PCDH15: variants seen among roughly 807,000 people sequenced by gnomAD.
The protein encoded by PCDH15 is protocadherin-15.
A neutral mutation model predicts 178.5 loss-of-function variants in PCDH15; 129 were observed. The ratio of observed to expected loss-of-function variants is 0.72; its 90% CI spans 0.63 to 0.84. PCDH15 has a LOEUF of 0.84. Ranked by LOEUF, PCDH15 falls within the 40% of genes least tolerant of loss-of-function variation. The pLI, the probability that PCDH15 is intolerant of heterozygous loss-of-function variation, is 0.00. For synonymous variants in PCDH15, 800 were observed against 732.0 expected, an observed-to-expected ratio of 1.09 and a Z score of -1.50; for missense variants, 2,230 against 2,099.9, an observed-to-expected ratio of 1.06 and a Z score of -1.21.
chr10:55,522,432 T>C (rs1223979429), intron 2 of PCDH15, among the ~76,000 whole-genome samples: 1 of 151,814 alleles, frequency 6.6e-6, no homozygotes, highest in Non-Finnish European at 1.5e-5. Flanking sequence ...TCCATACTGT[T>C]ACTGTATTGC....
At chr10:54,900,690 T>C (rs1019133566) in intron 2 of PCDH15, among the ~76,000 whole-genome samples, 3 of 152,182 alleles carry the variant, frequency 2.0e-5, no homozygotes, top group Non-Finnish European at 4.4e-5. Context: ...TGACAATGTA[T>C]AAATGGCAAC....
At chr10:54,437,402 G>A (rs2075495144) in intron 3 of PCDH15, among the ~76,000 whole-genome samples, 1 of 152,130 alleles carries the variant, frequency 6.6e-6, no homozygotes, top group South Asian at 2.1e-4. Context: ...TTAGTGTGAT[G>A]AAGTGTACAG....
chr10:54,233,011 C>T (rs964648628), intron 9 of PCDH15, among the ~76,000 whole-genome samples: 1 of 148,478 alleles, frequency 6.7e-6, no homozygotes, highest in Admixed American at 6.7e-5. Flanking sequence ...TCGTAGCTCA[C>T]TGCAGCCCTG....
At chr10:55,153,263 G>T (rs1340095446) in intron 2 of PCDH15, among the ~76,000 whole-genome samples, 3 of 152,016 alleles carry the variant, frequency 2.0e-5, no homozygotes, top group African/African-American at 7.2e-5. Flanking sequence ...GAGCTGCCCA[G>T]GTTGTGTCCT....
intron 23 of PCDH15, among the ~76,000 whole-genome samples, chr10:53,947,500 A>G (rs2086669791): frequency 6.6e-6 from 1 of 152,084 alleles, no homozygotes; most frequent in African/African-American, 2.4e-5. Flanking sequence ...ACCAATTAAG[A>G]TACTGTTTTT....
At chr10:55,214,100 T>G (rs1320015582) in intron 1 of PCDH15, among the ~76,000 whole-genome samples, 1 of 152,012 alleles carries the variant, frequency 6.6e-6, no homozygotes, top group Non-Finnish European at 1.5e-5. Flanking sequence ...AAGTGCATTG[T>G]GTTCAAAGAA....
intron 2 of PCDH15, among the ~76,000 whole-genome samples, chr10:55,490,839 A>AG (rs376289314): frequency 3.2e-4 from 48 of 151,920 alleles, no homozygotes; most frequent in African/African-American, 1.0e-3. Context: ...ATCACGTTAA[A>AG]GCATGTCATA....
chr10:53,879,866 G>A (rs1242208500), intron 26 of PCDH15, among the ~76,000 whole-genome samples: 1 of 152,134 alleles, frequency 6.6e-6, no homozygotes, highest in African/African-American at 2.4e-5. Flanking sequence ...TGGCCAGGCT[G>A]GTCTTTAACT....
In PCDH15 at chr10:55,544,139, CATATATATATATAT is replaced by C. The variant is rs1176456895; in HGVS notation, c.-156+83472_-156+83485del. On this transcript the variant is annotated intron_variant, in intron 2 of 5. Transcript: ENST00000613346. ...CAGTTTTCCTCAAATCTTATACATA[CATATATATATATAT>C]ATATATATATATATATATATATTAT... Among the ~76,000 whole-genome samples the C allele has an allele frequency of 1.3e-3, 70 of 54,346 alleles. 2 individuals are homozygous for C. Among genetic ancestry groups the C allele is most frequent in the African/African-American group, 4.9e-3 (70 of 14,358 alleles). 35.7% of individuals were successfully genotyped at this position (54,346 alleles called of 152,430 possible).
At chr10:55,472,520 G>A (rs369839025) in intron 2 of PCDH15, among the ~76,000 whole-genome samples, 14 of 136,654 alleles carry the variant, frequency 1.0e-4, no homozygotes, top group East Asian at 9.0e-4. Flanking sequence ...TCTAATAATA[G>A]GTAGAATCCA....
chr10:54,841,689 T>C lies in PCDH15; in HGVS notation c.-29+55761A>G, dbSNP rs990317600. ...AAGCTAATATTTTCTCCAATTTACA[T>C]TAATTTTAACTGAAAAAAATTTAAA... On this transcript the variant is annotated intron_variant, in intron 3 of 5. Transcript: ENST00000458638. Among the ~76,000 whole-genome samples, 16 of 151,958 alleles carry C rather than the reference T, an allele frequency of 1.1e-4. No homozygotes were observed. The South Asian group carries it at 3.3e-3, about 31-fold the overall frequency.
chr10:55,093,157 C>T (rs141081771), intron 2 of PCDH15, among the ~76,000 whole-genome samples: 13 of 151,920 alleles, frequency 8.6e-5, no homozygotes, highest in Admixed American at 3.9e-4. Flanking sequence ...TATATGGTAT[C>T]CATTATAGTT....
chr10:55,141,976 T>C (rs1234234886), intron 2 of PCDH15, among the ~76,000 whole-genome samples: 1 of 152,142 alleles, frequency 6.6e-6, no homozygotes, highest in Non-Finnish European at 1.5e-5. Flanking sequence ...TCTGAGACTT[T>C]ATTGAATTCA....
intron 2 of PCDH15, among the ~76,000 whole-genome samples, chr10:55,410,125 T>C (rs912341758): frequency 1.3e-5 from 2 of 152,142 alleles, no homozygotes; most frequent in Non-Finnish European, 2.9e-5. Flanking sequence ...AGCTGATTTT[T>C]TTAACTCTCC....
At chr10:55,570,327 C>G (rs946920160) in intron 2 of PCDH15, among the ~76,000 whole-genome samples, 3 of 151,810 alleles carry the variant, frequency 2.0e-5, no homozygotes, top group Non-Finnish European at 4.4e-5. Context: ...AAAAGACAAC[C>G]CTGTTCACAT....
At chr10:54,842,091 C>A (rs2133762106) in intron 3 of PCDH15, among the ~76,000 whole-genome samples, 1 of 151,836 alleles carries the variant, frequency 6.6e-6, no homozygotes, top group South Asian at 2.1e-4. Flanking sequence ...TGGACTTATT[C>A]TCTTATGTAA....
chr10:53,948,809 T>C (rs1211104455), intron 23 of PCDH15, among the ~76,000 whole-genome samples: 1 of 152,196 alleles, frequency 6.6e-6, no homozygotes, highest in African/African-American at 2.4e-5. Context: ...AGTAAGTCCC[T>C]TCACAGTCCA....
intron 2 of PCDH15, among the ~76,000 whole-genome samples, chr10:54,587,694 A>G (rs2091592092): frequency 6.6e-6 from 1 of 152,210 alleles, no homozygotes; most frequent in Non-Finnish European, 1.5e-5. Context: ...GTAAGAAGAA[A>G]TCAATCACTA....
At chr10:55,199,719 A>C (rs1418740534) in intron 1 of PCDH15, among the ~76,000 whole-genome samples, 1 of 152,128 alleles carries the variant, frequency 6.6e-6, no homozygotes, top group East Asian at 1.9e-4. Flanking sequence ...AGGCCCAGGG[A>C]CTTGCTGCTC....
Sources: gnomAD v4.1 joint callset for allele counts (sites outside exome capture counted in the v4.1 genomes callset) on GRCh38, gnomAD v4.1.1 for gene constraint, MANE v1.5 for transcripts, NCBI Gene and HGNC (gene_info 2026-07-23, HGNC 2026-07-21) for gene names.